ATP2C1: variants seen among roughly 807,000 people sequenced by gnomAD.
ATP2C1 encodes ATPase secretory pathway Ca2+ transporting 1.
Under a neutral mutation model 120.5 loss-of-function variants are expected in ATP2C1, and 31 were observed. The ratio of observed to expected loss-of-function variants is 0.26; its 90% CI spans 0.19 to 0.35. The LOEUF (loss-of-function observed/expected upper bound fraction) is 0.35, where lower values mean the gene tolerates loss of function less well. ATP2C1 is among the 10% of genes least tolerant of loss of function. ATP2C1 has a pLI of 1.00. For missense variants in ATP2C1, 731 were observed against 1,107.5 expected (o/e 0.66, Z 4.83); for synonymous variants, 351 against 358.7 (o/e 0.98, Z 0.24).
intron 1 of ATP2C1, among the ~76,000 whole-genome samples, chr3:130,881,550 C>T (rs546543213): frequency 7.2e-5 from 11 of 152,158 alleles, no homozygotes; most frequent in African/African-American, 2.2e-4. Context: ...GTAGAGATGA[C>T]GTTTCTCCAT....
intron 2 of ATP2C1, among the ~76,000 whole-genome samples, chr3:130,902,359 A>G (rs1169442962): frequency 2.6e-5 from 3 of 113,558 alleles, no homozygotes; most frequent in African/African-American, 1.0e-4. Context: ...AACATAGAGT[A>G]GCTTTTATAA....
intron 9 of ATP2C1, among the ~76,000 whole-genome samples, chr3:130,954,456 T>C (rs1402512890): frequency 6.6e-6 from 1 of 152,136 alleles, no homozygotes; most frequent in African/African-American, 2.4e-5. Context: ...AATACTAATA[T>C]AGGCAAAAAA....
At chr3:130,979,128 C>A in intron 18 of ATP2C1, 121 bp from the exon 19 acceptor site, 2 of 923,908 alleles carry the variant, frequency 2.2e-6, no homozygotes, top group Admixed American at 2.1e-5. Flanking sequence ...TTACAAATGA[C>A]ATTATAGTCT....
intron 21 of ATP2C1, 67 bp from the exon 22 acceptor site, chr3:130,993,865 C>T (rs1303318714): frequency 9.2e-6 from 14 of 1,525,122 alleles, no homozygotes; most frequent in South Asian, 4.5e-5. Context: ...ATTTGTTTAT[C>T]GCTTTGTATG....
intron 2 of ATP2C1, among the ~76,000 whole-genome samples, chr3:130,895,464 C>G (rs537340911): frequency 2.0e-5 from 3 of 152,294 alleles, no homozygotes; most frequent in African/African-American, 7.2e-5. Flanking sequence ...CTACACAGCA[C>G]TGATTATTTT....
chr3:130,942,063 T>C (rs904507728), intron 8 of ATP2C1, among the ~76,000 whole-genome samples: 1 of 152,186 alleles, frequency 6.6e-6, no homozygotes, highest in South Asian at 2.1e-4. Context: ...GAATAGGATA[T>C]AGACATTTAA....
chr3:130,930,050 T>A, intron 2 of ATP2C1: 1 of 351,396 alleles, frequency 2.8e-6, no homozygotes, highest in South Asian at 2.3e-5. Context: ...TACTTTGTCT[T>A]GCATGTTAAA....
At chr3:130,873,738 T>G (rs1576563292) in intron 1 of ATP2C1, among the ~76,000 whole-genome samples, 1 of 152,190 alleles carries the variant, frequency 6.6e-6, no homozygotes, top group African/African-American at 2.4e-5. Flanking sequence ...AAGACTATAG[T>G]ATACTTTAAG....
chr3:130,973,578 A>G (rs936240067), intron 17 of ATP2C1, among the ~76,000 whole-genome samples: 2 of 152,144 alleles, frequency 1.3e-5, no homozygotes, highest in Admixed American at 1.3e-4. Context: ...ATGCTGGACA[A>G]AGGGATGATG....
At chr3:130,993,122 GT>G (rs368420892) in intron 21 of ATP2C1, 121 bp downstream of exon 21, 11,796 of 600,818 alleles carry the variant, frequency 0.02, no homozygotes, top group East Asian at 0.027. Flanking sequence ...AAGCAAAACA[GT>G]TTTTTTTTTT....
chr3:130,906,592 G>A (rs963780843), intron 2 of ATP2C1, among the ~76,000 whole-genome samples: 2 of 151,060 alleles, frequency 1.3e-5, no homozygotes, highest in African/African-American at 4.9e-5. Flanking sequence ...TGCCATAGTG[G>A]TTGAACCATT....
intron 12 of ATP2C1, among the ~76,000 whole-genome samples, chr3:130,960,961 A>G (rs541003071): frequency 1.3e-5 from 2 of 152,314 alleles, no homozygotes; most frequent in African/African-American, 4.8e-5. Context: ...CATATGAAAT[A>G]TTTCAAATAT....
intron 26 of ATP2C1, 97 bp from the exon 27 acceptor site, chr3:130,999,421 A>G: frequency 8.2e-7 from 1 of 1,218,040 alleles, no homozygotes; most frequent in Non-Finnish European, 1.2e-6. Context: ...ATTCAGTGAT[A>G]AAGTGACACT....
chr3:130,911,003 G>C (rs2108110811), intron 2 of ATP2C1, among the ~76,000 whole-genome samples: 1 of 150,876 alleles, frequency 6.6e-6, no homozygotes, highest in East Asian at 2.0e-4. Context: ...CTATTGATTG[G>C]AATAGTTTCA....
intron 1 of ATP2C1, among the ~76,000 whole-genome samples, chr3:130,866,898 T>C (rs1293179630): frequency 6.6e-6 from 1 of 152,220 alleles, no homozygotes; most frequent in African/African-American, 2.4e-5. Context: ...CTGGCAACCT[T>C]GCATTGAGGA....
At chr3:130,948,297 C>A (rs2060229407) in intron 8 of ATP2C1, among the ~76,000 whole-genome samples, 1 of 151,460 alleles carries the variant, frequency 6.6e-6, no homozygotes, top group East Asian at 1.9e-4. Flanking sequence ...AAAATTTCTC[C>A]TTCATTTTTA....
At chr3:131,001,199 C>T (rs1560038015) in intron 27 of ATP2C1, 21 bp from the exon 28 acceptor site, 1 of 1,606,960 alleles carries the variant, frequency 6.2e-7, no homozygotes, top group East Asian at 2.2e-5. Flanking sequence ...AATGTAAAAC[C>T]CAACTTATTT....
chr3:130,881,364 C>A (rs893103575), intron 1 of ATP2C1, among the ~76,000 whole-genome samples: 4 of 151,580 alleles, frequency 2.6e-5, no homozygotes, highest in African/African-American at 4.8e-5. Context: ...TCCTCCTCCT[C>A]CCCCTCCCCC....
intron 2 of ATP2C1, among the ~76,000 whole-genome samples, chr3:130,910,373 T>A (rs1176376184): frequency 1.4e-5 from 2 of 146,372 alleles, no homozygotes; most frequent in East Asian, 2.0e-4. Context: ...TTTCTAGATA[T>A]ACAATCATGT....
Sources: gnomAD v4.1 joint callset for allele counts (sites outside exome capture counted in the v4.1 genomes callset) on GRCh38, gnomAD v4.1.1 for gene constraint, MANE v1.5 for transcripts, NCBI Gene and HGNC (gene_info 2026-07-23, HGNC 2026-07-21) for gene names.